Variants in HEMK2 observed in about 807,000 individuals in gnomAD.
The protein encoded by HEMK2 is methyltransferase HEMK2.
the HEMK2 span, among the ~76,000 whole-genome samples, chr21:28,627,189 A>G: frequency 6.6e-6 from 1 of 152,228 alleles, no homozygotes; most frequent in Admixed American, 6.5e-5. Context: ...AACAGGTAAC[A>G]TTAATCTATA....
the HEMK2 span, among the ~76,000 whole-genome samples, chr21:28,809,040 T>C: frequency 6.6e-6 from 1 of 152,182 alleles, no homozygotes; most frequent in South Asian, 2.1e-4. Flanking sequence ...AAAATAAAAT[T>C]TTGTCTTTAA....
chr21:28,847,936 C>A, the HEMK2 span, among the ~76,000 whole-genome samples: 2 of 152,154 alleles, frequency 1.3e-5, no homozygotes, highest in Admixed American at 1.3e-4. Flanking sequence ...GTCGTAGATG[C>A]GAAACTTTAT....
chr21:28,853,187 C>T, the HEMK2 span, among the ~76,000 whole-genome samples: 1 of 152,212 alleles, frequency 6.6e-6, no homozygotes, highest in African/African-American at 2.4e-5. Context: ...TCCACTCCAG[C>T]ATCCCAATCT....
At chr21:28,705,512 A>C in the HEMK2 span, among the ~76,000 whole-genome samples, 1 of 152,208 alleles carries the variant, frequency 6.6e-6, no homozygotes, top group South Asian at 2.1e-4. Flanking sequence ...TTACTTGGTT[A>C]ATATGTTAGC....
chr21:28,885,362 CCATGCGCGTGCGCAGGGCGTGCGCATGCG>C, the HEMK2 span: 11 of 1,535,576 alleles, frequency 7.2e-6, no homozygotes, highest in South Asian at 1.2e-5. Flanking sequence ...TCGCTGCGTT[CCATGCGCGTGCGCAGGGCGTGCGCATGCG>C]CATGCGCATG....
the HEMK2 span, among the ~76,000 whole-genome samples, chr21:28,587,214 C>T: frequency 3.0e-4 from 45 of 151,632 alleles, no homozygotes; most frequent in African/African-American, 1.1e-3. Flanking sequence ...GCTCTATGAT[C>T]CCACAATGCT....
chr21:28,728,117 A>G, the HEMK2 span, among the ~76,000 whole-genome samples: 18 of 152,310 alleles, frequency 1.2e-4, 1 homozygote, highest in South Asian at 3.5e-3. Flanking sequence ...GTTGTCTTAA[A>G]CTCTAAGTTT....
At chr21:28,638,807 TGCACCA>T in the HEMK2 span, among the ~76,000 whole-genome samples, 2 of 152,168 alleles carry the variant, frequency 1.3e-5, no homozygotes, top group Non-Finnish European at 1.5e-5. Context: ...TGGCCTCATA[TGCACCA>T]GCACGCTAGC....
At chr21:28,718,297 G>T in the HEMK2 span, among the ~76,000 whole-genome samples, 4 of 152,014 alleles carry the variant, frequency 2.6e-5, no homozygotes, top group Non-Finnish European at 5.9e-5. Context: ...GCTTAGTATG[G>T]TTTTTTAAAT....
the HEMK2 span, among the ~76,000 whole-genome samples, chr21:28,594,618 AG>A: frequency 3.3e-5 from 5 of 152,310 alleles, no homozygotes; most frequent in African/African-American, 1.2e-4. Context: ...CCCCAACAGT[AG>A]GGGGTAGTTG....
At chr21:28,611,018 G>A in the HEMK2 span, among the ~76,000 whole-genome samples, 1 of 152,048 alleles carries the variant, frequency 6.6e-6, no homozygotes, top group Non-Finnish European at 1.5e-5. Context: ...AAGAAACAAT[G>A]AATTTAAACT....
At chr21:28,882,045 T>C in the HEMK2 span, 1 of 652,534 alleles carries the variant, frequency 1.5e-6, no homozygotes, top group Non-Finnish European at 2.4e-6. Context: ...ATTTACTTTG[T>C]ACATGGTATA....
chr21:28,722,871 C>T, the HEMK2 span, among the ~76,000 whole-genome samples: 4 of 149,934 alleles, frequency 2.7e-5, no homozygotes, highest in Non-Finnish European at 4.4e-5. Context: ...GCAACAAGAG[C>T]GAAACTCAGT....
the HEMK2 span, among the ~76,000 whole-genome samples, chr21:28,808,949 C>A: frequency 2.0e-5 from 3 of 152,118 alleles, no homozygotes. Context: ...TCAAAGCACT[C>A]AAGAACAACA....
At chr21:28,818,822 C>A in the HEMK2 span, among the ~76,000 whole-genome samples, 4 of 152,112 alleles carry the variant, frequency 2.6e-5, no homozygotes, top group Non-Finnish European at 4.4e-5. Flanking sequence ...TCATGGCCTC[C>A]CCAAATCATG....
chr21:28,831,514 AGAAAGAAAGAAG>A, the HEMK2 span, among the ~76,000 whole-genome samples: 12 of 94,866 alleles, frequency 1.3e-4, no homozygotes, highest in African/African-American at 2.5e-4. Flanking sequence ...AAAGAAAGAA[AGAAAGAAAGAAG>A]GAAAGAAGGA....
At chr21:28,673,824 C>T in the HEMK2 span, among the ~76,000 whole-genome samples, 1 of 145,670 alleles carries the variant, frequency 6.9e-6, no homozygotes. Context: ...AATAGTTTCT[C>T]TTGCATTATA....
chr21:28,611,131 G>C, the HEMK2 span, among the ~76,000 whole-genome samples: 1 of 152,124 alleles, frequency 6.6e-6, no homozygotes, highest in Non-Finnish European at 1.5e-5. Flanking sequence ...CATTCCCCAA[G>C]ATAGACCATA....
At chr21:28,745,002 C>A in the HEMK2 span, among the ~76,000 whole-genome samples, 1 of 152,138 alleles carries the variant, frequency 6.6e-6, no homozygotes, top group Non-Finnish European at 1.5e-5. Flanking sequence ...ACAGACAATT[C>A]AATTTTTTCA....
Sources: allele counts gnomAD v4.1 joint callset (sites outside exome capture counted in the v4.1 genomes callset), GRCh38; gene constraint gnomAD v4.1.1; transcripts MANE v1.5; gene names NCBI Gene and HGNC (gene_info 2026-07-23, HGNC 2026-07-21).